Variants in CERS3 observed in about 807,000 individuals in gnomAD.
The protein encoded by CERS3 is LAG1 homolog, ceramide synthase 3.
A neutral mutation model predicts 50.3 loss-of-function variants in CERS3; 33 were observed. That is an observed-to-expected ratio of 0.66 (90% confidence interval 0.50 to 0.88). The LOEUF (loss-of-function observed/expected upper bound fraction) is 0.88, where lower values mean the gene tolerates loss of function less well. CERS3 is among the 40% of genes least tolerant of loss of function. CERS3 has a pLI of 0.00. For missense variants in CERS3, 470 were observed against 460.3 expected (o/e 1.02, Z -0.19); for synonymous variants, 176 against 155.2 (o/e 1.13, Z -0.99).
rs149555777 is a variant in CERS3 at position 100,487,748 on chromosome 15, T to C, written c.288+3069A>G. Reference sequence around the variant, plus strand: ...CTCTTTGGCTCTCACATGTCTTCCCTGTACAATAAATAGCACTAGAAGAGG... The same window carrying C: ...CTCTTTGGCTCTCACATGTCTTCCCCGTACAATAAATAGCACTAGAAGAGG... On this transcript the variant is annotated intron_variant, in intron 4 of 11. Coordinates refer to ENST00000679737, the MANE Select transcript of CERS3 (RefSeq NM_001378789.1). 4.9e-4 allele frequency among the ~76,000 whole-genome samples: 74 copies of C among 152,306 alleles called. 3 individuals carry two copies. In the East Asian group the frequency reaches 0.014, roughly 29 times the overall value.
chr15:100,432,243 T>C (rs2142123316), intron 11 of CERS3, among the ~76,000 whole-genome samples: 1 of 152,264 alleles, frequency 6.6e-6, no homozygotes, highest in South Asian at 2.1e-4. Flanking sequence ...TTAATAGGCC[T>C]TTTAAACAAC....
intron 1 of CERS3, among the ~76,000 whole-genome samples, chr15:100,524,002 C>T (rs916747407): frequency 6.6e-6 from 1 of 152,094 alleles, no homozygotes; most frequent in Non-Finnish European, 1.5e-5. Flanking sequence ...AAATGTCTGT[C>T]CTTTCCTGTA....
chr15:100,530,419 G>A (rs1173667770), upstream of CERS3, among the ~76,000 whole-genome samples: 1 of 152,184 alleles, frequency 6.6e-6, no homozygotes, highest in African/African-American at 2.4e-5. Context: ...CACAACAGTG[G>A]GCAGCTTCTG....
chr15:100,409,638 T>C (rs969505213), intron 11 of CERS3, among the ~76,000 whole-genome samples: 9 of 152,210 alleles, frequency 5.9e-5, no homozygotes, highest in African/African-American at 2.2e-4. Context: ...CTGCTTTGAC[T>C]GAGTGCCAAG....
chr15:100,475,276 G>A (rs1168407976), intron 8 of CERS3, among the ~76,000 whole-genome samples: 2 of 152,264 alleles, frequency 1.3e-5, no homozygotes, highest in South Asian at 2.1e-4. Context: ...CCAGTTGACT[G>A]CAGTGTGTCC....
At chr15:100,428,516 G>C (rs780508840) in intron 11 of CERS3, among the ~76,000 whole-genome samples, 41 of 152,346 alleles carry the variant, frequency 2.7e-4, no homozygotes, top group Admixed American at 2.2e-3. Flanking sequence ...ATTGTGGGAC[G>C]TCTAGCAGTA....
At chr15:100,417,622 G>C (rs574938933) in intron 11 of CERS3, among the ~76,000 whole-genome samples, 1 of 152,080 alleles carries the variant, frequency 6.6e-6, no homozygotes, top group East Asian at 1.9e-4. Context: ...TCCACCTCTG[G>C]GGGCAGGGCA....
chr15:100,461,517 T>C (rs894053788), intron 10 of CERS3, among the ~76,000 whole-genome samples: 2 of 152,116 alleles, frequency 1.3e-5, no homozygotes, highest in African/African-American at 4.8e-5. Flanking sequence ...ACCCAGGTGG[T>C]TATGAGGATT....
In CERS3 at chr15:100,469,488, C is replaced by A. The variant is rs77590344; in HGVS notation, c.739-4G>T. On this transcript the variant is annotated splice_polypyrimidine_tract_variant and splice_region_variant and intron_variant, in intron 9 of 11. Coordinates refer to ENST00000679737, the MANE Select transcript of CERS3 (RefSeq NM_001378789.1). ...CATAAGAAAACATCTTAGCAGACTGCAAAAAAGAAAGAAACTGCAGATAAA... is the reference window on the plus strand; with the variant it reads ...CATAAGAAAACATCTTAGCAGACTGAAAAAAAGAAAGAAACTGCAGATAAA... 6.3e-7 allele frequency: 1 copy of A among 1,589,824 alleles called. No individual in the cohort carries two copies. The highest frequency in any genetic ancestry group is 8.6e-7 in the Non-Finnish European group (1 of 1,166,032).
chr15:100,424,921 TC>T (rs1190256596), intron 11 of CERS3, among the ~76,000 whole-genome samples: 3 of 152,164 alleles, frequency 2.0e-5, no homozygotes, highest in Non-Finnish European at 4.4e-5. Flanking sequence ...CAAGGCATTT[TC>T]CCAGCTGCTT....
chr15:100,427,287 T>A (rs1431132102), intron 11 of CERS3, among the ~76,000 whole-genome samples: 1 of 152,180 alleles, frequency 6.6e-6, no homozygotes, highest in Admixed American at 6.5e-5. Flanking sequence ...TTGGCAAGAA[T>A]TCCGAATAAG....
chr15:100,462,043 T>C (rs2034566739), intron 10 of CERS3, among the ~76,000 whole-genome samples: 1 of 152,228 alleles, frequency 6.6e-6, no homozygotes, highest in South Asian at 2.1e-4. Flanking sequence ...TGCATACATG[T>C]GTGCAGGCAC....
chr15:100,442,131 G>T (rs964580326), intron 11 of CERS3, among the ~76,000 whole-genome samples: 12 of 152,124 alleles, frequency 7.9e-5, no homozygotes, highest in Admixed American at 5.2e-4. Context: ...CAAGGTTAAC[G>T]CTCCTTTTTC....
chr15:100,408,422 T>A (rs1229810947), intron 11 of CERS3: 2 of 152,208 alleles, frequency 1.3e-5, no homozygotes, highest in Non-Finnish European at 2.9e-5. Flanking sequence ...CTGGCCAACT[T>A]CATGACATTT....
intron 2 of CERS3, among the ~76,000 whole-genome samples, chr15:100,510,929 A>G (rs1267134476): frequency 6.6e-6 from 1 of 152,232 alleles, no homozygotes; most frequent in Admixed American, 6.5e-5. Context: ...AGATAAGTAA[A>G]CAAGAGCTAT....
chr15:100,494,246 TA>T, intron 3 of CERS3, among the ~76,000 whole-genome samples: 2 of 18,302 alleles, frequency 1.1e-4, no homozygotes, highest in Non-Finnish European at 5.2e-4. Context: ...TATATATATA[TA>T]TATATATATA....
At chr15:100,509,077 A>G (rs949882278) in intron 2 of CERS3, among the ~76,000 whole-genome samples, 2 of 152,166 alleles carry the variant, frequency 1.3e-5, no homozygotes, top group African/African-American at 4.8e-5. Flanking sequence ...CTTAAGCCCT[A>G]TTTTTGACTT....
chr15:100,408,254 G>T (rs1366665772), intron 11 of CERS3, among the ~76,000 whole-genome samples: 1 of 152,186 alleles, frequency 6.6e-6, no homozygotes, highest in Non-Finnish European at 1.5e-5. Context: ...GATACCGAGG[G>T]AAATATGTAC....
chr15:100,435,792 C>A (rs1225522972), intron 11 of CERS3, among the ~76,000 whole-genome samples: 1 of 152,148 alleles, frequency 6.6e-6, no homozygotes, highest in African/African-American at 2.4e-5. Context: ...AAACAAACAA[C>A]CCCATCAAAA....
Sources: gnomAD v4.1 joint callset for allele counts (sites outside exome capture counted in the v4.1 genomes callset) on GRCh38, gnomAD v4.1.1 for gene constraint, MANE v1.5 for transcripts, NCBI Gene and HGNC (gene_info 2026-07-23, HGNC 2026-07-21) for gene names.